Variants in DCDC2C observed in about 807,000 individuals in gnomAD.
DCDC2C encodes the protein doublecortin domain-containing protein 2C.
Under a neutral mutation model 45.0 loss-of-function variants are expected in DCDC2C, and 44 were observed. The ratio of observed to expected loss-of-function variants is 0.98; its 90% CI spans 0.77 to 1.26. The LOEUF (loss-of-function observed/expected upper bound fraction) is 1.26, where lower values mean the gene tolerates loss of function less well. DCDC2C is among the 50% of genes most tolerant of loss of function. The pLI, the probability that DCDC2C is intolerant of heterozygous loss-of-function variation, is 0.00. For missense variants in DCDC2C, 447 were observed against 468.9 expected (o/e 0.95, Z 0.43); for synonymous variants, 187 against 178.8 (o/e 1.05, Z -0.37).
At chr2:3,752,998 T>C in intron 5 of DCDC2C, 98 bp downstream of exon 5, 1 of 1,297,946 alleles carries the variant, frequency 7.7e-7, no homozygotes, top group Middle Eastern at 1.9e-4. Flanking sequence ...CTATTGGTTA[T>C]TTTTCAGTAG....
At chr2:3,709,915 GTGAAACA>G (rs1668162152) in intron 2 of DCDC2C, among the ~76,000 whole-genome samples, 1 of 152,130 alleles carries the variant, frequency 6.6e-6, no homozygotes, top group Non-Finnish European at 1.5e-5. Flanking sequence ...GTCTACAGAC[GTGAAACA>G]CTGAGCAGGC....
In DCDC2C at chr2:3,758,465, C is replaced by T. The variant is rs114920605; in HGVS notation, c.726+3831C>T. Among the ~76,000 whole-genome samples, 516 of 152,286 alleles carry T rather than the reference C, an allele frequency of 3.4e-3. 8 individuals carry two copies. Among genetic ancestry groups the T allele is most frequent in the Middle Eastern group, 0.024 (7 of 294 alleles). On this transcript the variant is annotated intron_variant, in intron 6 of 10. Coordinates refer to ENST00000399143, the MANE Select transcript of DCDC2C (RefSeq NM_001287444.2). Reference sequence around the variant, plus strand: ...TTGAAACAAAAAGTTATTATATACACGGAAAGACCTAAAAGTAGAACATCA... The same window carrying T: ...TTGAAACAAAAAGTTATTATATACATGGAAAGACCTAAAAGTAGAACATCA...
chr2:3,715,950 T>C (rs879528001), intron 2 of DCDC2C, among the ~76,000 whole-genome samples: 1 of 152,162 alleles, frequency 6.6e-6, no homozygotes, highest in Admixed American at 6.5e-5. Flanking sequence ...GAGGTGACTT[T>C]TGAGTCCAGA....
chr2:3,815,144 G>A (rs1293092227), intron 10 of DCDC2C, among the ~76,000 whole-genome samples: 2 of 152,230 alleles, frequency 1.3e-5, no homozygotes, highest in African/African-American at 4.8e-5. Context: ...TCTAGGATTG[G>A]TACGCTAGGT....
intron 10 of DCDC2C, among the ~76,000 whole-genome samples, chr2:3,817,327 C>A (rs1385130647): frequency 1.3e-5 from 2 of 152,104 alleles, no homozygotes; most frequent in Non-Finnish European, 2.9e-5. Context: ...GTGAGGAAAC[C>A]TCTTTTTGCC....
rs141597326 is a variant in DCDC2C at position 3,749,604 on chromosome 2, G to A, written c.546-3159G>A. 1.7e-3 allele frequency among the ~76,000 whole-genome samples: 258 copies of A among 152,308 alleles called. 4 individuals carry two copies. The highest frequency in any genetic ancestry group is 5.9e-3 in the African/African-American group (245 of 41,564). Reference sequence around the variant, plus strand: ...ACCTCTCTTAGAAGAAAATGAGGCCGAGATGAGTTTAGGGAAGAGTCCGAG... The same window carrying A: ...ACCTCTCTTAGAAGAAAATGAGGCCAAGATGAGTTTAGGGAAGAGTCCGAG... On this transcript the variant is annotated intron_variant, in intron 4 of 10. Transcript: ENST00000399143.
chr2:3,709,864 A>G lies in DCDC2C; in HGVS notation c.339+1264A>G, dbSNP rs114940451. Among the ~76,000 whole-genome samples, 604 of 152,320 alleles carry G rather than the reference A, an allele frequency of 4.0e-3. 3 individuals are homozygous for G. The highest frequency in any genetic ancestry group is 6.8e-3 in the Middle Eastern group (2 of 294). On this transcript the variant is annotated intron_variant, in intron 2 of 10. Transcript: ENST00000399143. ...TAGGACAGGGAGGAAATTTCAGACT[A>G]TCTTGTCAAAACTTCTTGTTTTCTA...
At chr2:3,719,265 T>G (rs1207206371) in intron 2 of DCDC2C, among the ~76,000 whole-genome samples, 1 of 152,146 alleles carries the variant, frequency 6.6e-6, no homozygotes, top group Non-Finnish European at 1.5e-5. Context: ...TTTTGTATTT[T>G]TAATAGAGAT....
At chr2:3,789,359 A>G (rs147203894) in intron 10 of DCDC2C, among the ~76,000 whole-genome samples, 3 of 152,306 alleles carry the variant, frequency 2.0e-5, no homozygotes, top group African/African-American at 7.2e-5. Flanking sequence ...AATGCCTTAC[A>G]GTAAATAGTA....
intron 4 of DCDC2C, among the ~76,000 whole-genome samples, chr2:3,752,182 A>G (rs552678476): frequency 6.6e-6 from 1 of 152,128 alleles, no homozygotes; most frequent in South Asian, 2.1e-4. Flanking sequence ...GTGCTTCCTG[A>G]CTTTGGGGAG....
At chr2:3,730,096 C>T (rs1668819365) in intron 3 of DCDC2C, among the ~76,000 whole-genome samples, 1 of 152,190 alleles carries the variant, frequency 6.6e-6, no homozygotes, top group African/African-American at 2.4e-5. Flanking sequence ...CCGAGGAGCA[C>T]AACCCTCCCA....
At chr2:3,834,874 GC>G (rs1169714957) in intron 10 of DCDC2C, among the ~76,000 whole-genome samples, 2 of 152,216 alleles carry the variant, frequency 1.3e-5, no homozygotes, top group Non-Finnish European at 2.9e-5. Context: ...CATATTATGT[GC>G]TGGGAACAGT....
At chr2:3,777,126 C>T (rs1369620876) in intron 8 of DCDC2C, among the ~76,000 whole-genome samples, 2 of 152,234 alleles carry the variant, frequency 1.3e-5, no homozygotes, top group African/African-American at 4.8e-5. Context: ...CTTCTTCCTG[C>T]AACAGGGCTG....
chr2:3,744,426 AT>A (rs1669301813), intron 4 of DCDC2C, among the ~76,000 whole-genome samples: 1 of 152,210 alleles, frequency 6.6e-6, no homozygotes, highest in Admixed American at 6.5e-5. Context: ...AGGTCGAGAC[AT>A]CCACCTGGGG....
intron 6 of DCDC2C, among the ~76,000 whole-genome samples, chr2:3,763,362 G>A (rs776464337): frequency 2.9e-4 from 44 of 152,206 alleles, no homozygotes; most frequent in Non-Finnish European, 5.3e-4. Flanking sequence ...TGGTGAGCGC[G>A]GCTCGAGATG....
intron 2 of DCDC2C, among the ~76,000 whole-genome samples, chr2:3,709,869 G>A (rs574086609): frequency 1.3e-5 from 2 of 152,264 alleles, no homozygotes; most frequent in South Asian, 2.1e-4. Context: ...AGACTATCTT[G>A]TCAAAACTTC....
At position 3,761,248 on chromosome 2, in the gene DCDC2C, T is replaced by TAATAAGCATTGTATTTATATCAC. The variant is rs1669872689; in HGVS notation, c.727-6504_727-6482dup. Among the ~76,000 whole-genome samples, 1 of 152,208 alleles carries TAATAAGCATTGTATTTATATCAC rather than the reference T, an allele frequency of 6.6e-6. No individual in the cohort carries two copies. Among genetic ancestry groups the TAATAAGCATTGTATTTATATCAC allele is most frequent in the Non-Finnish European group, 1.5e-5 (1 of 68,028 alleles). ...CTTCTGTGAAAAATCAGTAAATAGT[T>TAATAAGCATTGTATTTATATCAC]AATAAGCATTGTATTTATATCACAT... On this transcript the variant is annotated intron_variant, in intron 6 of 10. Transcript: ENST00000399143. This position sits in a 1 kb window ranked among gnomAD's most constrained non-coding sequence, Gnocchi z 4.3.
chr2:3,768,892 AATTT>A (rs1670085989), intron 7 of DCDC2C, among the ~76,000 whole-genome samples: 1 of 152,078 alleles, frequency 6.6e-6, no homozygotes, highest in African/African-American at 2.4e-5. Flanking sequence ...ATTTTCTTAA[AATTT>A]ATTCTATTAC....
At chr2:3,793,021 C>G (rs1471288445) in intron 10 of DCDC2C, among the ~76,000 whole-genome samples, 1 of 152,106 alleles carries the variant, frequency 6.6e-6, no homozygotes, top group Non-Finnish European at 1.5e-5. Context: ...TCCATAAGGT[C>G]GTATAATTTC....
Sources: gnomAD v4.1 joint callset for allele counts (sites outside exome capture counted in the v4.1 genomes callset) on GRCh38, gnomAD v4.1.1 for gene constraint, Gnocchi (gnomAD v3.1) non-coding constraint, MANE v1.5 for transcripts, NCBI Gene and HGNC (gene_info 2026-07-23, HGNC 2026-07-21) for gene names.